Variants in XCR1 observed in about 807,000 individuals in gnomAD.
XCR1 encodes the protein chemokine XC receptor 1.
For synonymous variants in XCR1, 187 were observed against 188.5 expected, an observed-to-expected ratio of 0.99 and a Z score of 0.06; for missense variants, 356 against 424.2, an observed-to-expected ratio of 0.84 and a Z score of 1.41.
At chr3:46,027,100 C>T (rs1412543078) in intron 1 of XCR1, among the ~76,000 whole-genome samples, 1 of 151,972 alleles carries the variant, frequency 6.6e-6, no homozygotes, top group Non-Finnish European at 1.5e-5. Context: ...AGGTAAGGAA[C>T]TCCTGGACTC....
intron 4 of XCR1, among the ~76,000 whole-genome samples, chr3:46,066,143 G>T (rs886447425): frequency 7.2e-5 from 11 of 152,268 alleles, no homozygotes; most frequent in Admixed American, 5.9e-4. Flanking sequence ...ACCAGACCAT[G>T]TAGTCTCAGA....
chr3:46,051,689 T>C lies in XCR1; in HGVS notation c.-32+2231A>G, dbSNP rs571484289. Among the ~76,000 whole-genome samples, 3 of 152,366 alleles carry C rather than the reference T, an allele frequency of 2.0e-5. No homozygotes were observed. In the South Asian group the frequency reaches 6.2e-4, roughly 32 times the overall value. ...CAGGGAATAAGTAATAATTGCACTA[T>C]GTATTCTCTCAGTTCAAAAACCCAA... On this transcript the variant is annotated intron_variant, in intron 5 of 5. Coordinates refer to the XCR1 transcript ENST00000683768.
intron 1 of XCR1, among the ~76,000 whole-genome samples, chr3:46,078,177 C>T (rs1337368071): frequency 2.6e-5 from 4 of 152,204 alleles, no homozygotes; most frequent in Non-Finnish European, 5.9e-5. Flanking sequence ...GAGCAGCTGG[C>T]CTCATGTTGG....
intron 4 of XCR1, among the ~76,000 whole-genome samples, chr3:46,065,476 G>A (rs957869404): frequency 2.0e-5 from 3 of 152,236 alleles, no homozygotes; most frequent in Non-Finnish European, 4.4e-5. Flanking sequence ...TCCGGCAGCT[G>A]AGCTGTTCTG....
intron 5 of XCR1, among the ~76,000 whole-genome samples, chr3:46,051,852 G>A (rs1357686851): frequency 6.6e-6 from 1 of 151,948 alleles, no homozygotes; most frequent in African/African-American, 2.4e-5. Flanking sequence ...CGGTGAAACT[G>A]TGTCTCTACT....
chr3:46,035,802 CCT>C (rs1235848292), intron 5 of XCR1, among the ~76,000 whole-genome samples: 1 of 152,080 alleles, frequency 6.6e-6, no homozygotes, highest in Non-Finnish European at 1.5e-5. Context: ...AGGGAAGCAC[CCT>C]GTTTCACTAC....
intron 2 of XCR1, among the ~76,000 whole-genome samples, chr3:46,075,234 G>T (rs372395375): frequency 6.7e-6 from 1 of 149,742 alleles, no homozygotes; most frequent in South Asian, 2.1e-4. Context: ...TTTGACAGTG[G>T]TGCCAAAGCA....
chr3:46,082,476 C>CTTTTTTTT (rs61282576), intron 1 of XCR1, among the ~76,000 whole-genome samples: 5 of 100,034 alleles, frequency 5.0e-5, no homozygotes, highest in Admixed American at 1.4e-4. Flanking sequence ...AATCAGGCTC[C>CTTTTTTTT]TTTTTTTTTT....
intron 1 of XCR1, among the ~76,000 whole-genome samples, chr3:46,026,583 C>A (rs916006853): frequency 4.7e-5 from 7 of 150,486 alleles, no homozygotes; most frequent in African/African-American, 1.7e-4. Context: ...TTTTCTTCTT[C>A]TTCTTTTTTT....
chr3:46,069,810 C>G (rs1291223398), intron 3 of XCR1, among the ~76,000 whole-genome samples: 3 of 151,514 alleles, frequency 2.0e-5, no homozygotes, highest in Middle Eastern at 3.4e-3. Flanking sequence ...TAGTTCTGCT[C>G]TCATCTTTAT....
upstream of XCR1, among the ~76,000 whole-genome samples, chr3:46,032,334 G>A (rs536215698): frequency 4.4e-4 from 67 of 152,310 alleles, no homozygotes; most frequent in African/African-American, 1.5e-3. Flanking sequence ...CGCTAGCAGG[G>A]GAAGCTGCTT....
intron 4 of XCR1, among the ~76,000 whole-genome samples, chr3:46,062,548 T>C (rs1316774471): frequency 6.6e-6 from 1 of 152,280 alleles, no homozygotes; most frequent in Non-Finnish European, 1.5e-5. Flanking sequence ...TTATAGGTGC[T>C]GGATCTGCAT....
intron 3 of XCR1, among the ~76,000 whole-genome samples, chr3:46,067,044 G>T (rs1356384385): frequency 1.3e-5 from 2 of 152,170 alleles, no homozygotes; most frequent in African/African-American, 4.8e-5. Flanking sequence ...AGCATATTCA[G>T]CCAGGCCATT....
At chr3:46,032,828 C>T (rs924796070) in intron 5 of XCR1, among the ~76,000 whole-genome samples, 7 of 152,192 alleles carry the variant, frequency 4.6e-5, no homozygotes, top group African/African-American at 1.4e-4. Flanking sequence ...CATTCTAATA[C>T]GTGCATGGGG....
intron 1 of XCR1, chr3:46,023,198 C>A: frequency 2.1e-6 from 1 of 487,014 alleles, no homozygotes; most frequent in Admixed American, 4.0e-5. Flanking sequence ...TTGTTGCTCC[C>A]TCTGCGCCCA....
At chr3:46,080,478 T>C (rs371640256) in intron 1 of XCR1, among the ~76,000 whole-genome samples, 2 of 152,242 alleles carry the variant, frequency 1.3e-5, no homozygotes, top group East Asian at 3.9e-4. Context: ...ATGAGAATCT[T>C]TTGAACTAGG....
At chr3:46,043,761 C>CACACAA (rs1339926418) in intron 5 of XCR1, among the ~76,000 whole-genome samples, 2 of 144,144 alleles carry the variant, frequency 1.4e-5, no homozygotes. Flanking sequence ...CACACACACA[C>CACACAA]AAGAATGCCT....
intron 4 of XCR1, among the ~76,000 whole-genome samples, chr3:46,057,501 T>C (rs2125900366): frequency 6.6e-6 from 1 of 152,356 alleles, no homozygotes; most frequent in African/African-American, 2.4e-5. Flanking sequence ...TTTATTGTAC[T>C]TTAATTATAC....
At chr3:46,063,134 A>G (rs959521871) in intron 4 of XCR1, among the ~76,000 whole-genome samples, 1 of 152,220 alleles carries the variant, frequency 6.6e-6, no homozygotes, top group Non-Finnish European at 1.5e-5. Flanking sequence ...TCTATCATTC[A>G]GGGTCCCAGT....
Sources: allele counts gnomAD v4.1 joint callset (sites outside exome capture counted in the v4.1 genomes callset), GRCh38; gene constraint gnomAD v4.1.1; transcripts MANE v1.5; gene names NCBI Gene and HGNC (gene_info 2026-07-23, HGNC 2026-07-21).